UGT1A4: variants seen among roughly 807,000 people sequenced by gnomAD.
UGT1A4 encodes UDP-glucuronosyltransferase 1A4.
In UGT1A4, 32 loss-of-function variants were observed where a neutral mutation model predicts 41.1. That is an observed-to-expected ratio of 0.78 (90% CI 0.59 to 1.05). The LOEUF (loss-of-function observed/expected upper bound fraction) is 1.05, where lower values mean the gene tolerates loss of function less well. UGT1A4 is among the 50% of genes least tolerant of loss of function. The probability of loss-of-function intolerance (pLI) is 0.00; values close to 1 mark genes in which losing one functional copy is unlikely to be tolerated. For missense variants in UGT1A4, 748 were observed against 677.4 expected (o/e 1.10, Z -1.16); for synonymous variants, 283 against 265.1 (o/e 1.07, Z -0.66).
chr2:233,729,702 C>T, intron 1 of UGT1A4: 4 of 1,613,950 alleles, frequency 2.5e-6, no homozygotes, highest in Non-Finnish European at 3.4e-6. Context: ...ACCCTTCCTC[C>T]TATATTCCTA....
intron 1 of UGT1A4, among the ~76,000 whole-genome samples, chr2:233,757,567 T>TATATATATATATATATATA (rs1553619947): frequency 7.0e-6 from 1 of 142,920 alleles, no homozygotes; most frequent in Non-Finnish European, 1.5e-5. Flanking sequence ...TATATGTATA[T>TATATATATATATATATATA]ATGATATAGC....
intron 1 of UGT1A4, among the ~76,000 whole-genome samples, chr2:233,726,737 G>T (rs1199458141): frequency 6.6e-6 from 1 of 152,134 alleles, no homozygotes; most frequent in Non-Finnish European, 1.5e-5. Flanking sequence ...TACTTTTGTG[G>T]GGCTGTGATT....
At chr2:233,758,491 A>G (rs953417996) in intron 1 of UGT1A4, among the ~76,000 whole-genome samples, 5 of 152,260 alleles carry the variant, frequency 3.3e-5, no homozygotes, top group African/African-American at 1.2e-4. Context: ...TGTGAATTTC[A>G]GAATTTCTAA....
intron 1 of UGT1A4, chr2:233,760,670 C>T: frequency 6.2e-7 from 1 of 1,614,098 alleles, no homozygotes; most frequent in Non-Finnish European, 8.5e-7. Context: ...TCTGGCTGTT[C>T]CCACTTACTG....
chr2:233,721,161 ATT>A lies in UGT1A4; in HGVS notation c.867+1478_867+1479del, dbSNP rs372396731. Reference sequence around the variant, plus strand: ...ATTATTGCAAAGGACACTAAACTTTATTTTTGTTTTTGATCAAACCACAAGAT... The same window carrying A: ...ATTATTGCAAAGGACACTAAACTTTATTTGTTTTTGATCAAACCACAAGAT... On this transcript the variant is annotated intron_variant, in intron 1 of 4. Coordinates refer to ENST00000373409, the MANE Select transcript of UGT1A4 (RefSeq NM_007120.3). Among the ~76,000 whole-genome samples the A allele has an allele frequency of 3.5e-4, 54 of 152,170 alleles. 1 individual carries two copies. In the East Asian group the frequency reaches 0.01, roughly 29 times the overall value.
chr2:233,734,943 C>G (rs2078589604), intron 1 of UGT1A4, among the ~76,000 whole-genome samples: 1 of 152,150 alleles, frequency 6.6e-6, no homozygotes, highest in Non-Finnish European at 1.5e-5. Flanking sequence ...ATCATATGGT[C>G]AGTTTTAGAA....
chr2:233,760,469 C>A (rs1273237448), intron 1 of UGT1A4: 1 of 1,614,210 alleles, frequency 6.2e-7, no homozygotes, highest in South Asian at 1.1e-5. Context: ...GTTGTCCTAG[C>A]ACCTGACGCC....
chr2:233,757,568 A>ATATATATATATATATATATATG, intron 1 of UGT1A4, among the ~76,000 whole-genome samples: 1 of 142,136 alleles, frequency 7.0e-6, no homozygotes, highest in Non-Finnish European at 1.5e-5. Context: ...ATATGTATAT[A>ATATATATATATATATATATATG]TGATATAGCT....
chr2:233,724,683 C>T (rs986382878), intron 1 of UGT1A4, among the ~76,000 whole-genome samples: 9 of 144,584 alleles, frequency 6.2e-5, no homozygotes, highest in African/African-American at 1.3e-4. Flanking sequence ...GATGGGATGG[C>T]GGCCGGGTGA....
rs1218307967 is a variant in UGT1A4 at position 233,768,238 on chromosome 2, C to G, written c.1106C>G (p.Ala369Gly). 1.2e-6 allele frequency: 2 copies of G among 1,614,074 alleles called. No homozygotes were observed. The highest frequency in any genetic ancestry group is 1.6e-4 in the Middle Eastern group (1 of 6,084). The change falls in exon 4 of 5, where the codon GCC becomes GGC. Residue 369 changes from alanine (A) to glycine (G), a missense_variant. Coordinates refer to ENST00000373409, the MANE Select transcript of UGT1A4 (RefSeq NM_007120.3). ...NDLLGHPMTR[A>G]FITHAGSHGV... Reference sequence around the variant, plus strand: ...ATCTCAGGTCACCCGATGACCCGTGCCTTTATCACCCATGCTGGTTCCCAT... The same window carrying G: ...ATCTCAGGTCACCCGATGACCCGTGGCTTTATCACCCATGCTGGTTCCCAT...
chr2:233,725,392 C>A (rs1422562370), intron 1 of UGT1A4, among the ~76,000 whole-genome samples: 1 of 151,006 alleles, frequency 6.6e-6, no homozygotes, highest in African/African-American at 2.4e-5. Flanking sequence ...TAATAGGTTA[C>A]CTTGATGGTC....
chr2:233,757,562 G>GTATATA (rs1491042837), intron 1 of UGT1A4, among the ~76,000 whole-genome samples: 1 of 90,870 alleles, frequency 1.1e-5, no homozygotes, highest in African/African-American at 5.1e-5. Flanking sequence ...ATATATATAT[G>GTATATA]TATATATGAT....
In UGT1A4 at chr2:233,736,783, G is replaced by T. The variant is rs545223479; in HGVS notation, c.867+17096G>T. ...CTTCTAACAGTCAGATCCCTCAGCTGCAGGTCTGTTGGAGTTTGCTGGAGG... is the reference window on the plus strand; with the variant it reads ...CTTCTAACAGTCAGATCCCTCAGCTTCAGGTCTGTTGGAGTTTGCTGGAGG... On this transcript the variant is annotated intron_variant, in intron 1 of 4. Transcript: ENST00000373409. Among the ~76,000 whole-genome samples, 9 of 152,312 alleles carry T rather than the reference G, an allele frequency of 5.9e-5. No homozygotes were observed. The South Asian group carries it at 1.9e-3, about 32-fold the overall frequency.
At chr2:233,743,956 G>C in intron 1 of UGT1A4, 2 of 1,338,248 alleles carry the variant, frequency 1.5e-6, no homozygotes, top group Non-Finnish European at 2.0e-6. Flanking sequence ...CTGGCACAGC[G>C]AGCGGCAAGG....
chr2:233,754,879 C>T (rs1695622753), intron 1 of UGT1A4: 1 of 1,352,088 alleles, frequency 7.4e-7, no homozygotes, highest in South Asian at 1.1e-5. Flanking sequence ...CTTCTGCTTC[C>T]CAGGGAGTTC....
intron 1 of UGT1A4, among the ~76,000 whole-genome samples, chr2:233,723,841 T>C (rs2077133746): frequency 2.6e-5 from 1 of 38,274 alleles, no homozygotes; most frequent in Non-Finnish European, 4.5e-5. Flanking sequence ...GAGCACAGGG[T>C]TGGGGGTAAG....
chr2:233,734,084 C>T (rs112644087), intron 1 of UGT1A4, among the ~76,000 whole-genome samples: 1 of 151,970 alleles, frequency 6.6e-6, no homozygotes. Flanking sequence ...TGTGCACATG[C>T]ACCCTAAAAC....
intron 1 of UGT1A4, among the ~76,000 whole-genome samples, chr2:233,735,255 T>C (rs1489550965): frequency 6.6e-6 from 1 of 152,240 alleles, no homozygotes; most frequent in Non-Finnish European, 1.5e-5. Flanking sequence ...ATTGCTCCCT[T>C]TACCATTATG....
At position 233,769,266 on chromosome 2, in the gene UGT1A4, CA is replaced by C. The variant is rs1253780369; in HGVS notation, c.1307+830del. ...CTCAAATGTGGCCCTGAAAACGATT[CA>C]AAGGGCAAATGATTTCTGGATTAAA... is the stretch of plus-strand genomic sequence containing the variant. On this transcript the variant is annotated intron_variant, in intron 4 of 4. Coordinates refer to ENST00000373409, the MANE Select transcript of UGT1A4 (RefSeq NM_007120.3). The surrounding 1 kb of genome is among the most constrained non-coding windows in gnomAD (Gnocchi z 4.4). Among the ~76,000 whole-genome samples, 1 of 152,194 alleles carries C rather than the reference CA, an allele frequency of 6.6e-6. No individual in the cohort carries two copies. The highest frequency in any genetic ancestry group is 1.5e-5 in the Non-Finnish European group (1 of 68,034).
Sources: allele counts gnomAD v4.1 joint callset (sites outside exome capture counted in the v4.1 genomes callset), GRCh38; gene constraint gnomAD v4.1.1; non-coding constraint Gnocchi (gnomAD v3.1); transcripts MANE v1.5; gene names NCBI Gene and HGNC (gene_info 2026-07-23, HGNC 2026-07-21).